PTPRG: variants seen among roughly 807,000 people sequenced by gnomAD.
The protein encoded by PTPRG is protein tyrosine phosphatase receptor type G.
A neutral mutation model predicts 165.3 loss-of-function variants in PTPRG; 102 were observed. The observed-to-expected ratio is 0.62, with a 90% CI of 0.53 to 0.73. The LOEUF is 0.73. PTPRG is among the 30% of genes least tolerant of loss of function. The probability of loss-of-function intolerance (pLI) is 0.00; values close to 1 mark genes in which losing one functional copy is unlikely to be tolerated. For synonymous variants in PTPRG, 675 were observed against 669.5 expected, an observed-to-expected ratio of 1.01 and a Z score of -0.13; for missense variants, 1,866 against 1,861.4, an observed-to-expected ratio of 1.00 and a Z score of -0.05.
At chr3:62,054,649 T>A (rs1314688355) in intron 4 of PTPRG, among the ~76,000 whole-genome samples, 2 of 152,202 alleles carry the variant, frequency 1.3e-5, no homozygotes, top group African/African-American at 4.8e-5. Flanking sequence ...ATGTGTCTCT[T>A]TGGGACATTT....
intron 1 of PTPRG, among the ~76,000 whole-genome samples, chr3:61,596,455 T>TTGC (rs1329474740): frequency 6.6e-6 from 1 of 152,064 alleles, no homozygotes; most frequent in Non-Finnish European, 1.5e-5. Flanking sequence ...GTTGTTGTTG[T>TTGC]TGAAGCACAG....
At chr3:62,121,243 G>A (rs547108553) in intron 5 of PTPRG, among the ~76,000 whole-genome samples, 14 of 151,920 alleles carry the variant, frequency 9.2e-5, no homozygotes, top group South Asian at 4.2e-4. Context: ...GTGAGCCACC[G>A]CGCCCAGCCT....
At chr3:61,630,981 G>A (rs988471132) in intron 1 of PTPRG, among the ~76,000 whole-genome samples, 52 of 152,150 alleles carry the variant, frequency 3.4e-4, no homozygotes, top group African/African-American at 8.9e-4. Flanking sequence ...GCTTGAACCC[G>A]GGAGGTGGAG....
chr3:61,572,670 C>T (rs1347869833), intron 1 of PTPRG, among the ~76,000 whole-genome samples: 4 of 152,132 alleles, frequency 2.6e-5, no homozygotes, highest in Non-Finnish European at 4.4e-5. Context: ...ATGGAAGCCC[C>T]GGCCCTCATG....
rs1701926967 is a variant in PTPRG at position 62,267,696 on chromosome 3, A to C, written c.2751A>C (p.Lys917Asn). The change falls in exon 19 of 30, where the codon AAA becomes AAC. Residue 917 changes from lysine (K) to asparagine (N), a missense_variant. By Grantham distance (94) the Lys-to-Asn change is moderately conservative. Transcript: ENST00000474889. The part of the protein sequence containing the change: ...INANYVDGYN[K>N]AKAYIATQGP... ...GTGTCATTTTGAAGGGTTACAACAA[A>C]GCAAAAGCCTACATTGCCACCCAAG... The C allele has an allele frequency of 1.9e-6, 3 of 1,613,032 alleles. No homozygotes were observed. The highest frequency in any genetic ancestry group is 1.7e-6 in the Non-Finnish European group (2 of 1,179,408).
intron 4 of PTPRG, among the ~76,000 whole-genome samples, chr3:62,015,583 C>T (rs1044205123): frequency 6.6e-6 from 1 of 152,164 alleles, no homozygotes; most frequent in African/African-American, 2.4e-5. Context: ...CTAATGCAAT[C>T]GTTCCACCCC....
chr3:61,593,998 G>A (rs1433539518), intron 1 of PTPRG, among the ~76,000 whole-genome samples: 4 of 152,100 alleles, frequency 2.6e-5, no homozygotes, highest in Non-Finnish European at 4.4e-5. Flanking sequence ...AAAATAAAAC[G>A]CATCTCAGGA....
intron 2 of PTPRG, among the ~76,000 whole-genome samples, chr3:61,948,026 C>G (rs1040125120): frequency 2.0e-5 from 3 of 151,984 alleles, no homozygotes; most frequent in African/African-American, 7.2e-5. Context: ...CATAGGAAAT[C>G]AAGAAGGAAA....
At chr3:61,678,394 A>G (rs1330360997) in intron 1 of PTPRG, among the ~76,000 whole-genome samples, 1 of 152,180 alleles carries the variant, frequency 6.6e-6, no homozygotes, top group Non-Finnish European at 1.5e-5. Flanking sequence ...TAGTCTTTAC[A>G]AGTAGAGGTG....
rs1553644926 is a variant in PTPRG, at chr3:61,653,903, G to GCGGGT, written c.85+91531_85+91532insCGGGT. Among the ~76,000 whole-genome samples, 23 of 137,920 alleles carry GCGGGT rather than the reference G, an allele frequency of 1.7e-4. 1 individual carries two copies. The highest frequency in any genetic ancestry group is 7.3e-4 in the South Asian group (3 of 4,134). 90.5% of individuals were successfully genotyped at this position (137,920 alleles called of 152,430 possible). A position where few individuals can be genotyped will look rare whatever the true frequency, so the allele number is the denominator to read the frequency against. ...AGGTTGTTAAGCGGGGAGCGGTGGG[G>GCGGGT]GGCGCGGGGAACTGTAAGGGAACAT... On this transcript the variant is annotated intron_variant, in intron 1 of 29. Coordinates refer to ENST00000474889, the MANE Select transcript of PTPRG (RefSeq NM_002841.4).
intron 2 of PTPRG, among the ~76,000 whole-genome samples, chr3:61,938,995 A>G (rs2039546773): frequency 6.6e-6 from 1 of 152,170 alleles, no homozygotes. Context: ...TTTGCTTGGG[A>G]TCACCCCCTG....
intron 2 of PTPRG, among the ~76,000 whole-genome samples, chr3:61,883,297 G>C (rs1359175283): frequency 6.6e-6 from 1 of 152,044 alleles, no homozygotes; most frequent in Non-Finnish European, 1.5e-5. Flanking sequence ...AATACATCAG[G>C]TCCTTTGTCA....
At chr3:62,167,841 C>A in intron 7 of PTPRG, 130 bp from the exon 8 acceptor site, 2 of 865,436 alleles carry the variant, frequency 2.3e-6, no homozygotes, top group Non-Finnish European at 1.8e-6. Flanking sequence ...GCAGCCCTGG[C>A]ATTGGGCACT....
chr3:61,764,025 A>G (rs1017548329), intron 2 of PTPRG, among the ~76,000 whole-genome samples: 2 of 152,302 alleles, frequency 1.3e-5, no homozygotes, highest in African/African-American at 4.8e-5. Context: ...CCATCCTTGT[A>G]GGAAGCTCTA....
chr3:62,045,876 G>A (rs1270550139), intron 4 of PTPRG, among the ~76,000 whole-genome samples: 1 of 152,206 alleles, frequency 6.6e-6, no homozygotes, highest in African/African-American at 2.4e-5. Flanking sequence ...CTTTGCATGG[G>A]CAAAGGTGAG....
chr3:62,250,083 ACTT>A (rs1376123092), intron 15 of PTPRG, among the ~76,000 whole-genome samples: 1 of 152,188 alleles, frequency 6.6e-6, no homozygotes, highest in African/African-American at 2.4e-5. Flanking sequence ...TCTTATAAGT[ACTT>A]GTGTTATCTT....
intron 2 of PTPRG, chr3:61,750,709 A>C (rs1378968811): frequency 6.6e-6 from 1 of 152,252 alleles, no homozygotes; most frequent in African/African-American, 2.4e-5. Context: ...AATTCTGGAC[A>C]GACTGGCTGT....
rs1575810982 is a variant in PTPRG at position 61,944,851 on chromosome 3, G to A, written c.191-44774G>A. 5.3e-5 allele frequency among the ~76,000 whole-genome samples: 8 copies of A among 152,278 alleles called. 1 individual carries two copies. The highest frequency in any genetic ancestry group is 5.2e-4 in the Admixed American group (8 of 15,296). ...TTAAAATCTTTTGGGACCCCAACAGGATGAGATCATTGGCCAGCTGGCTTC... is the reference window on the plus strand; with the variant it reads ...TTAAAATCTTTTGGGACCCCAACAGAATGAGATCATTGGCCAGCTGGCTTC... On this transcript the variant is annotated intron_variant, in intron 2 of 29. Coordinates refer to ENST00000474889, the MANE Select transcript of PTPRG (RefSeq NM_002841.4).
chr3:62,115,085 C>CAAAT (rs1702811950), intron 5 of PTPRG, among the ~76,000 whole-genome samples: 1 of 152,206 alleles, frequency 6.6e-6, no homozygotes, highest in Non-Finnish European at 1.5e-5. Flanking sequence ...CTCAGATTTT[C>CAAAT]AGGTCATCAG....
Sources: gnomAD v4.1 joint callset for allele counts (sites outside exome capture counted in the v4.1 genomes callset) on GRCh38, gnomAD v4.1.1 for gene constraint, MANE v1.5 for transcripts, NCBI Gene and HGNC (gene_info 2026-07-23, HGNC 2026-07-21) for gene names.